The following PGCKA1 variants were observed in gnomAD, a reference collection of about 807,000 sequenced individuals.
PGCKA1 encodes the protein PDCD10 and GCKIII kinases associated 1, also known as PDCD10 and GCKIII kinases-associated protein 1.
At chr4:37,536,893 G>A in the PGCKA1 span, among the ~76,000 whole-genome samples, 1 of 152,174 alleles carries the variant, frequency 6.6e-6, no homozygotes, top group Non-Finnish European at 1.5e-5. Flanking sequence ...TTTAGGGGAC[G>A]ACAACTTAAC....
the PGCKA1 span, among the ~76,000 whole-genome samples, chr4:37,478,148 C>G: frequency 3.6e-5 from 4 of 110,516 alleles, no homozygotes; most frequent in Admixed American, 9.1e-5. Context: ...AAACACCCCC[C>G]CCCACCGCCA....
the PGCKA1 span, among the ~76,000 whole-genome samples, chr4:37,535,607 T>C: frequency 6.6e-6 from 1 of 152,194 alleles, no homozygotes; most frequent in Admixed American, 6.5e-5. Context: ...CCAAGAGGTG[T>C]CTGGTGAGAA....
chr4:37,545,632 C>G, the PGCKA1 span, among the ~76,000 whole-genome samples: 5 of 152,296 alleles, frequency 3.3e-5, no homozygotes, highest in East Asian at 9.7e-4. Context: ...CTATTGCTCT[C>G]CCTTTGGGTT....
At chr4:37,501,608 T>C in the PGCKA1 span, among the ~76,000 whole-genome samples, 1 of 152,222 alleles carries the variant, frequency 6.6e-6, no homozygotes, top group African/African-American at 2.4e-5. Context: ...GTCTTTCCTT[T>C]ACATATTTAG....
the PGCKA1 span, among the ~76,000 whole-genome samples, chr4:37,565,914 GA>G: frequency 5.9e-5 from 9 of 152,152 alleles, no homozygotes; most frequent in African/African-American, 1.4e-4. Context: ...AAAGCAGGCA[GA>G]AAAACGTCAA....
At chr4:37,503,548 T>C in the PGCKA1 span, among the ~76,000 whole-genome samples, 2 of 152,174 alleles carry the variant, frequency 1.3e-5, no homozygotes, top group African/African-American at 2.4e-5. Flanking sequence ...AACTGTTCCT[T>C]ATAGTGGTTG....
At chr4:37,515,720 T>TA in the PGCKA1 span, among the ~76,000 whole-genome samples, 25 of 152,310 alleles carry the variant, frequency 1.6e-4, no homozygotes, top group East Asian at 7.7e-4. Context: ...GAGACAATAG[T>TA]AAAAAATTTC....
At chr4:37,490,107 T>C in the PGCKA1 span, among the ~76,000 whole-genome samples, 9,415 of 152,220 alleles carry the variant, frequency 0.062, 365 homozygotes, top group Middle Eastern at 0.092. Flanking sequence ...TTGTATCTAT[T>C]TTTAGAGAAG....
chr4:37,508,565 A>G, the PGCKA1 span, among the ~76,000 whole-genome samples: 1 of 151,888 alleles, frequency 6.6e-6, no homozygotes, highest in African/African-American at 2.4e-5. Flanking sequence ...AAAAATGTCA[A>G]ATAGTACAAT....
chr4:37,520,476 C>T, the PGCKA1 span, among the ~76,000 whole-genome samples: 1 of 152,072 alleles, frequency 6.6e-6, no homozygotes, highest in South Asian at 2.1e-4. Context: ...CTTCATGGTT[C>T]ACTCTTGGTA....
chr4:37,582,575 A>G, the PGCKA1 span, among the ~76,000 whole-genome samples: 1 of 152,264 alleles, frequency 6.6e-6, no homozygotes, highest in South Asian at 2.1e-4. Context: ...TTGCTTTTTC[A>G]TAACATTACA....
chr4:37,538,744 T>G, the PGCKA1 span, among the ~76,000 whole-genome samples: 2 of 152,208 alleles, frequency 1.3e-5, no homozygotes, highest in Non-Finnish European at 2.9e-5. Flanking sequence ...ATCTCCTGTT[T>G]AGGTTTCTAA....
the PGCKA1 span, among the ~76,000 whole-genome samples, chr4:37,470,477 A>T: frequency 1.3e-5 from 2 of 152,210 alleles, no homozygotes; most frequent in African/African-American, 4.8e-5. Flanking sequence ...ACTAATCTTC[A>T]TGCATGTGTT....
the PGCKA1 span, among the ~76,000 whole-genome samples, chr4:37,550,701 C>T: frequency 3.4e-4 from 52 of 152,280 alleles, no homozygotes; most frequent in African/African-American, 1.1e-3. Flanking sequence ...TGTGCCAGTA[C>T]CTGAGATTCC....
the PGCKA1 span, among the ~76,000 whole-genome samples, chr4:37,531,350 C>T: frequency 1.3e-5 from 2 of 152,100 alleles, no homozygotes; most frequent in Admixed American, 1.3e-4. Flanking sequence ...ACATCCCATA[C>T]CCTTTGGACT....
At chr4:37,554,970 G>A in the PGCKA1 span, among the ~76,000 whole-genome samples, 66,902 of 151,908 alleles carry the variant, frequency 0.44, 14,976 homozygotes, top group African/African-American at 0.49. Context: ...TAGGCAATAC[G>A]GAACCACTTA....
At chr4:37,460,287 G>T in the PGCKA1 span, among the ~76,000 whole-genome samples, 3 of 152,076 alleles carry the variant, frequency 2.0e-5, no homozygotes, top group Non-Finnish European at 4.4e-5. Context: ...GAATAGTGCC[G>T]CAATAAATAT....
At chr4:37,544,023 C>CCCTTGG in the PGCKA1 span, among the ~76,000 whole-genome samples, 3 of 152,136 alleles carry the variant, frequency 2.0e-5, no homozygotes, top group African/African-American at 4.8e-5. Flanking sequence ...GGTTTACTCC[C>CCCTTGG]TCACTTGTTT....
At chr4:37,500,214 G>A in the PGCKA1 span, among the ~76,000 whole-genome samples, 9 of 152,100 alleles carry the variant, frequency 5.9e-5, no homozygotes, top group South Asian at 4.1e-4. Flanking sequence ...GTGAGCCACC[G>A]TGCCCAGCCA....
Sources: gnomAD v4.1 joint callset for allele counts (sites outside exome capture counted in the v4.1 genomes callset) on GRCh38, gnomAD v4.1.1 for gene constraint, MANE v1.5 for transcripts, NCBI Gene and HGNC (gene_info 2026-07-23, HGNC 2026-07-21) for gene names.